Variants in PPP4C observed in about 807,000 individuals in gnomAD.
PPP4C encodes serine/threonine-protein phosphatase 4 catalytic subunit.
In PPP4C, 10 loss-of-function variants were observed where a neutral mutation model predicts 40.5. The observed-to-expected ratio is 0.25, with a 90% CI of 0.15 to 0.42. The LOEUF (loss-of-function observed/expected upper bound fraction) is 0.42. Ranked by LOEUF, PPP4C falls within the 10% of genes least tolerant of loss-of-function variation. PPP4C has a pLI of 1.00. For missense variants in PPP4C, 191 were observed against 416.4 expected (o/e 0.46, Z 4.71); for synonymous variants, 187 against 163.6 (o/e 1.14, Z -1.09).
chr16:30,081,410 T>TC (rs1373560699), intron 3 of PPP4C, 100 bp downstream of exon 3: 27 of 962,448 alleles, frequency 2.8e-5, no homozygotes, highest in Non-Finnish European at 4.4e-5. Context: ...CTAAGCTCTT[T>TC]TATCTGTCCT....
At chr16:30,081,229 G>A (rs779526682) in intron 2 of PPP4C, 30 bp from the exon 3 acceptor site, 12 of 1,613,144 alleles carry the variant, frequency 7.4e-6, no homozygotes, top group Non-Finnish European at 1.0e-5. Flanking sequence ...TGGCCTGGCT[G>A]TGGTGACCCT....
At position 30,076,466 on chromosome 16, in the gene PPP4C, C is replaced by T; in HGVS notation, c.89C>T (p.Ala30Val). 1 of 1,611,326 alleles carries T rather than the reference C, an allele frequency of 6.2e-7. No homozygotes were observed. The highest frequency in any genetic ancestry group is 1.1e-5 in the South Asian group (1 of 90,618). ...IKESEVKALC[A>V]KAREILVEES... Reference sequence around the variant, plus strand: ...GAGAGCGAAGTCAAGGCCCTGTGCGCTAAGGCCAGGTGAGCTCGTTGGCCC... The same window carrying T: ...GAGAGCGAAGTCAAGGCCCTGTGCGTTAAGGCCAGGTGAGCTCGTTGGCCC... Residue 30 changes from alanine to valine, a missense_variant, in exon 2 of 9, where the codon GCT becomes GTT. This residue lies in a region of PPP4C where 171 missense variants were observed against 352.4 expected (regional missense o/e 0.49). Coordinates refer to ENST00000279387, the MANE Select transcript of PPP4C (RefSeq NM_002720.3).
At chr16:30,080,914 A>G (rs748450569) in intron 2 of PPP4C, among the ~76,000 whole-genome samples, 1 of 152,120 alleles carries the variant, frequency 6.6e-6, no homozygotes, top group Non-Finnish European at 1.5e-5. Context: ...GGGTGACTTA[A>G]GCTCTGCTGT....
In PPP4C at chr16:30,085,070, C is replaced by T. The variant is rs774903785; in HGVS notation, c.*8C>T. 47 of 1,612,810 alleles carry T rather than the reference C, an allele frequency of 2.9e-5. No homozygotes were observed. The highest frequency in any genetic ancestry group is 6.7e-5 in the Admixed American group (4 of 59,956). On this transcript the variant is annotated 3_prime_UTR_variant, in exon 9 of 9. Coordinates refer to ENST00000279387, the MANE Select transcript of PPP4C (RefSeq NM_002720.3). The stretch of plus-strand genomic sequence containing the variant: ...GCCGACTACTTCCTGTGACCCCGCC[C>T]GGCCCCTGCCCCCTCCAACCCTTCT...
chr16:30,085,195 G>A lies in PPP4C; in HGVS notation c.*133G>A. 5 of 1,169,726 alleles carry A rather than the reference G, an allele frequency of 4.3e-6. No individual in the cohort carries two copies. Among genetic ancestry groups the A allele is most frequent in the Non-Finnish European group, 6.0e-6 (5 of 826,728 alleles). 72.5% of individuals were successfully genotyped at this position (1,169,726 alleles called of 1,614,324 possible). A position where few individuals can be genotyped will look rare whatever the true frequency, so the allele number is the denominator to read the frequency against. ...CTGTCCCCCAAGAGGGTGCTTCGAG[G>A]GTGAGGACTTCTCTGGAGAGGCCTG... On this transcript the variant is annotated 3_prime_UTR_variant, in exon 9 of 9. Coordinates refer to ENST00000279387, the MANE Select transcript of PPP4C (RefSeq NM_002720.3).
intron 1 of PPP4C, 99 bp from the exon 2 acceptor site, chr16:30,076,216 G>C (rs534555920): frequency 1.4e-6 from 1 of 698,864 alleles, no homozygotes; most frequent in East Asian, 2.8e-5. Context: ...GATGTGAGGG[G>C]AGGCGGGGGT....
In PPP4C at chr16:30,085,181, G is replaced by C. The variant is rs995137171; in HGVS notation, c.*119G>C. 1.7e-5 allele frequency: 23 copies of C among 1,353,508 alleles called. No individual in the cohort carries two copies. The highest frequency in any genetic ancestry group is 2.1e-5 in the Non-Finnish European group (21 of 983,032). 83.8% of individuals were successfully genotyped at this position (1,353,508 alleles called of 1,614,324 possible). A position where few individuals can be genotyped will look rare whatever the true frequency, so the allele number is the denominator to read the frequency against. ...CTGTCCTGGCTCTGCTGTCCCCCAAGAGGGTGCTTCGAGGGTGAGGACTTC... is the reference window on the plus strand; with the variant it reads ...CTGTCCTGGCTCTGCTGTCCCCCAACAGGGTGCTTCGAGGGTGAGGACTTC... On this transcript the variant is annotated 3_prime_UTR_variant, in exon 9 of 9. Coordinates refer to ENST00000279387, the MANE Select transcript of PPP4C (RefSeq NM_002720.3).
At chr16:30,081,113 C>A in intron 2 of PPP4C, 146 bp from the exon 3 acceptor site, 1 of 1,111,078 alleles carries the variant, frequency 9.0e-7, no homozygotes, top group Non-Finnish European at 1.3e-6. Flanking sequence ...GGGCCGTGGT[C>A]AGCCTGTTTT....
In PPP4C at chr16:30,085,191, C is replaced by G; in HGVS notation, c.*129C>G. 1 of 1,246,158 alleles carries G rather than the reference C, an allele frequency of 8.0e-7. No homozygotes were observed. Among genetic ancestry groups the G allele is most frequent in the Non-Finnish European group, 1.1e-6 (1 of 892,960 alleles). 77.2% of individuals were successfully genotyped at this position (1,246,158 alleles called of 1,614,324 possible). A position where few individuals can be genotyped will look rare whatever the true frequency, so the allele number is the denominator to read the frequency against. On this transcript the variant is annotated 3_prime_UTR_variant, in exon 9 of 9. Coordinates refer to ENST00000279387, the MANE Select transcript of PPP4C (RefSeq NM_002720.3). ...TCTGCTGTCCCCCAAGAGGGTGCTT[C>G]GAGGGTGAGGACTTCTCTGGAGAGG... is the stretch of plus-strand genomic sequence containing the variant.
At chr16:30,077,032 T>C (rs1436741893) in intron 2 of PPP4C, among the ~76,000 whole-genome samples, 1 of 151,928 alleles carries the variant, frequency 6.6e-6, no homozygotes, top group African/African-American at 2.4e-5. Context: ...AAAGGTGGAG[T>C]TGGATCATTC....
intron 3 of PPP4C, 35 bp from the exon 4 acceptor site, chr16:30,082,449 G>C (rs1387556864): frequency 1.3e-6 from 2 of 1,599,480 alleles, no homozygotes. Context: ...AACTCCCACT[G>C]CTTGAGTTCC....
In PPP4C at chr16:30,081,322, C is replaced by T; in HGVS notation, c.150+12C>T. 3 of 1,608,038 alleles carry T rather than the reference C, an allele frequency of 1.9e-6. No individual in the cohort carries two copies. Among genetic ancestry groups the T allele is most frequent in the South Asian group, 1.1e-5 (1 of 90,962 alleles). On this transcript the variant is annotated intron_variant, in intron 3 of 8. Coordinates refer to ENST00000279387, the MANE Select transcript of PPP4C (RefSeq NM_002720.3). ...ACTCGCCAGTCACAGTGAGTACCTG[C>T]TGTCCCTGCAGAGCCAGGCCTGGTC... is the stretch of plus-strand genomic sequence containing the variant.
In PPP4C at chr16:30,076,464, C is replaced by A. The variant is rs1229962473; in HGVS notation, c.87C>A (p.Cys29Ter). The change falls in exon 2 of 9, where the codon TGC becomes TGA. Residue 29 changes from cysteine (C) to a stop codon, truncating the protein, a stop_gained. Coordinates refer to ENST00000279387, the MANE Select transcript of PPP4C (RefSeq NM_002720.3). LOFTEE classifies it high-confidence loss of function. ...AGGAGAGCGAAGTCAAGGCCCTGTG[C>A]GCTAAGGCCAGGTGAGCTCGTTGGC... Reference protein sequence around the residue: ...LIKESEVKALCAKAREILVEE... With the variant: ...LIKESEVKAL The A allele has an allele frequency of 6.2e-7, 1 of 1,611,568 alleles. No homozygotes were observed. The highest frequency in any genetic ancestry group is 8.5e-7 in the Non-Finnish European group (1 of 1,179,060).
chr16:30,083,528 C>A lies in PPP4C; in HGVS notation c.438C>A (p.Ile146=). ...SVTVWRYCTE[I]FDYLSLSAII... ...CTGTGTGGCGCTACTGCACTGAGATCTTTGACTACCTCAGCCTGTCAGCCA... is the reference window on the plus strand; with the variant it reads ...CTGTGTGGCGCTACTGCACTGAGATATTTGACTACCTCAGCCTGTCAGCCA... Residue 146 remains isoleucine, a synonymous_variant, in exon 6 of 9, where the codon ATC becomes ATA. Transcript: ENST00000279387. The surrounding 1 kb of genome is among the most constrained non-coding windows in gnomAD (Gnocchi z 6.3). The A allele has an allele frequency of 1.2e-6, 2 of 1,614,152 alleles. No homozygotes were observed. The highest frequency in any genetic ancestry group is 1.7e-6 in the Non-Finnish European group (2 of 1,180,016).
intron 2 of PPP4C, among the ~76,000 whole-genome samples, chr16:30,076,678 A>T (rs1387244871): frequency 1.3e-5 from 2 of 152,192 alleles, no homozygotes; most frequent in East Asian, 3.8e-4. Context: ...TTATTAGACG[A>T]TGTGTTTCCA....
Position 30,085,155 on chromosome 16 carries a change from G to A in PPP4C, c.*93G>A, listed in dbSNP as rs1382974359. ...CAGACGGAGGCTGGGCGTGGGGGGGGCTGTCCTGGCTCTGCTGTCCCCCAA... is the reference window on the plus strand; with the variant it reads ...CAGACGGAGGCTGGGCGTGGGGGGGACTGTCCTGGCTCTGCTGTCCCCCAA... On this transcript the variant is annotated 3_prime_UTR_variant, in exon 9 of 9. Coordinates refer to ENST00000279387, the MANE Select transcript of PPP4C (RefSeq NM_002720.3). 4 of 1,493,182 alleles carry A rather than the reference G, an allele frequency of 2.7e-6. No individual in the cohort carries two copies. The highest frequency in any genetic ancestry group is 3.7e-6 in the Non-Finnish European group (4 of 1,094,230). 92.5% of individuals were successfully genotyped at this position (1,493,182 alleles called of 1,614,324 possible). A position where few individuals can be genotyped will look rare whatever the true frequency, so the allele number is the denominator to read the frequency against.
At position 30,084,918 on chromosome 16, in the gene PPP4C, T is replaced by C. The variant is rs1224098244; in HGVS notation, c.795-15T>C. On this transcript the variant is annotated splice_polypyrimidine_tract_variant and intron_variant, in intron 8 of 8. Coordinates refer to ENST00000279387, the MANE Select transcript of PPP4C (RefSeq NM_002720.3). ...TGAGCCGAGCTGCTCCTGACCCTGCTGCCCCGCCTTCCAGCTGTGGGAATG... is the reference window on the plus strand; with the variant it reads ...TGAGCCGAGCTGCTCCTGACCCTGCCGCCCCGCCTTCCAGCTGTGGGAATG... The C allele has an allele frequency of 1.1e-5, 17 of 1,613,830 alleles. No individual in the cohort carries two copies. The highest frequency in any genetic ancestry group is 1.4e-5 in the Non-Finnish European group (17 of 1,179,834).
Position 30,084,744 on chromosome 16 carries a change from C to T in PPP4C, c.683C>T (p.Ala228Val). The T allele has an allele frequency of 6.2e-7, 1 of 1,614,228 alleles. No homozygotes were observed. Among genetic ancestry groups the T allele is most frequent in the Non-Finnish European group, 8.5e-7 (1 of 1,180,034 alleles). The change falls in exon 8 of 9, where the codon GCC (alanine) becomes GTC (valine). Residue 228 changes from alanine to valine, a missense_variant. By Grantham distance (64) the Ala-to-Val change is moderately conservative. This residue lies in a region of PPP4C where 171 missense variants were observed against 352.4 expected (regional missense o/e 0.49). Coordinates refer to ENST00000279387, the MANE Select transcript of PPP4C (RefSeq NM_002720.3). ...GACGTGGTGGCCCAGTTCAACGCAGCCAATGACATTGACATGATCTGCCGT... is the reference window on the plus strand; with the variant it reads ...GACGTGGTGGCCCAGTTCAACGCAGTCAATGACATTGACATGATCTGCCGT... Reference protein sequence around the residue: ...GSDVVAQFNAANDIDMICRAH... With the variant: ...GSDVVAQFNAVNDIDMICRAH...
intron 1 of PPP4C, 43 bp from the exon 2 acceptor site, chr16:30,076,272 C>T: frequency 8.5e-7 from 1 of 1,179,508 alleles, no homozygotes; most frequent in Non-Finnish European, 1.2e-6. Flanking sequence ...GCTCCGAGCC[C>T]CGGACGGACA....
Sources: allele counts gnomAD v4.1 joint callset (sites outside exome capture counted in the v4.1 genomes callset), GRCh38; gene constraint gnomAD v4.1.1; regional missense constraint gnomAD v4.1.1; non-coding constraint Gnocchi (gnomAD v3.1); transcripts MANE v1.5; gene names NCBI Gene and HGNC (gene_info 2026-07-23, HGNC 2026-07-21).